LPP: variants seen among roughly 807,000 people sequenced by gnomAD.
LPP encodes lipoma-preferred partner.
In LPP, 38 loss-of-function variants were observed where a neutral mutation model predicts 60.4. That is an observed-to-expected ratio of 0.63 (90% CI 0.49 to 0.83). The LOEUF is 0.83. Among genes scored for constraint, LPP ranks in the 40% least tolerant of loss-of-function variants. The pLI, the probability that LPP is intolerant of heterozygous loss-of-function variation, is 0.00. For synonymous variants in LPP, 328 were observed against 290.8 expected (o/e 1.13, Z -1.30); for missense variants, 902 against 783.6 (o/e 1.15, Z -1.80).
At chr3:188,552,750 A>C (rs180906559) in intron 6 of LPP, among the ~76,000 whole-genome samples, 1 of 152,312 alleles carries the variant, frequency 6.6e-6, no homozygotes, top group Admixed American at 6.5e-5. Flanking sequence ...TTTGCTTTTA[A>C]GAACTCATGT....
At chr3:188,651,246 T>G (rs961208233) in intron 7 of LPP, among the ~76,000 whole-genome samples, 55 of 152,180 alleles carry the variant, frequency 3.6e-4, no homozygotes, top group African/African-American at 1.3e-3. Flanking sequence ...CCAGGAACCC[T>G]TAGTCTGTTA....
chr3:188,498,986 C>T (rs1406246037), intron 5 of LPP, among the ~76,000 whole-genome samples: 2 of 151,988 alleles, frequency 1.3e-5, no homozygotes, highest in African/African-American at 4.8e-5. Context: ...GTTCTTTATT[C>T]ATTTTTGAAT....
intron 1 of LPP, among the ~76,000 whole-genome samples, chr3:188,168,741 C>A (rs1485878727): frequency 2.6e-5 from 4 of 152,158 alleles, no homozygotes; most frequent in Non-Finnish European, 5.9e-5. Context: ...CTTGCCATAA[C>A]TATCTTGTTT....
intron 7 of LPP, among the ~76,000 whole-genome samples, chr3:188,652,592 G>T (rs1036936247): frequency 6.6e-6 from 1 of 152,108 alleles, no homozygotes; most frequent in African/African-American, 2.4e-5. Context: ...AAATTCTGGG[G>T]AATATCTGTA....
chr3:188,671,777 T>G (rs1430045366), intron 7 of LPP, among the ~76,000 whole-genome samples: 1 of 152,158 alleles, frequency 6.6e-6, no homozygotes, highest in African/African-American at 2.4e-5. Context: ...ATTACTATAC[T>G]AGGCACCCAC....
intron 7 of LPP, among the ~76,000 whole-genome samples, chr3:188,642,310 C>T (rs1850306982): frequency 6.6e-6 from 1 of 152,140 alleles, no homozygotes; most frequent in Non-Finnish European, 1.5e-5. Context: ...TCTCATGTGG[C>T]TCAGCATAAT....
At chr3:188,676,439 G>T (rs1243043353) in intron 7 of LPP, among the ~76,000 whole-genome samples, 1 of 152,042 alleles carries the variant, frequency 6.6e-6, no homozygotes, top group African/African-American at 2.4e-5. Context: ...TCCAGAATGG[G>T]ATTAATGCAT....
intron 4 of LPP, among the ~76,000 whole-genome samples, chr3:188,470,516 G>T (rs893659840): frequency 6.6e-6 from 1 of 152,084 alleles, no homozygotes; most frequent in African/African-American, 2.4e-5. Flanking sequence ...GTGCTTTTAG[G>T]ATAGACTGAT....
intron 1 of LPP, among the ~76,000 whole-genome samples, chr3:188,161,742 G>A (rs1007431115): frequency 6.6e-6 from 1 of 152,184 alleles, no homozygotes; most frequent in Non-Finnish European, 1.5e-5. Flanking sequence ...CCCTCCACTA[G>A]GGGTTTCTCT....
Position 188,182,488 on chromosome 3 carries a change from C to A in LPP, c.-190+28236C>A, listed in dbSNP as rs1396471150. 6.6e-6 allele frequency among the ~76,000 whole-genome samples: 1 copy of A among 152,198 alleles called. No individual in the cohort carries two copies. Among genetic ancestry groups the A allele is most frequent in the Non-Finnish European group, 1.5e-5 (1 of 68,042 alleles). On this transcript the variant is annotated intron_variant, in intron 1 of 11. Transcript: ENST00000617246. The surrounding 1 kb of genome is among the most constrained non-coding windows in gnomAD (Gnocchi z 4.4). ...CAATTTGTTTCACATACAGCACCAG[C>A]TGCCATCTGGCCTAGTGAGACCTAT...
chr3:188,534,977 A>G (rs1489844062), intron 6 of LPP, among the ~76,000 whole-genome samples: 2 of 152,224 alleles, frequency 1.3e-5, no homozygotes, highest in Non-Finnish European at 2.9e-5. Context: ...AGACAAAACT[A>G]TAGTTTATGT....
At chr3:188,846,895 T>C (rs1761580977) in intron 9 of LPP, among the ~76,000 whole-genome samples, 1 of 152,082 alleles carries the variant, frequency 6.6e-6, no homozygotes, top group Non-Finnish European at 1.5e-5. Context: ...GTTTATGAAC[T>C]TGCCTGTGTC....
chr3:188,367,360 C>G (rs1270012343), intron 3 of LPP, among the ~76,000 whole-genome samples: 2 of 152,080 alleles, frequency 1.3e-5, no homozygotes, highest in Non-Finnish European at 2.9e-5. Flanking sequence ...AAGAAAATCT[C>G]AAGAAGTAGA....
At chr3:188,689,535 C>A (rs1374285114) in intron 7 of LPP, among the ~76,000 whole-genome samples, 1 of 152,152 alleles carries the variant, frequency 6.6e-6, no homozygotes, top group East Asian at 1.9e-4. Context: ...TTTTTAGATT[C>A]CACACTTGAG....
At chr3:188,267,090 G>A (rs1238512975) in intron 2 of LPP, among the ~76,000 whole-genome samples, 1 of 152,164 alleles carries the variant, frequency 6.6e-6, no homozygotes, top group African/African-American at 2.4e-5. Context: ...GAGCAGCAGC[G>A]TACCTGGGTG....
intron 4 of LPP, among the ~76,000 whole-genome samples, chr3:188,454,985 T>C (rs781363198): frequency 6.6e-6 from 1 of 152,202 alleles, no homozygotes; most frequent in Non-Finnish European, 1.5e-5. Context: ...GCCAACTTAG[T>C]GTAGTGAGCA....
intron 9 of LPP, among the ~76,000 whole-genome samples, chr3:188,792,543 A>C (rs1744100274): frequency 6.6e-6 from 1 of 152,220 alleles, no homozygotes; most frequent in South Asian, 2.1e-4. Context: ...TTCAGCTGGC[A>C]GGACCAGCTT....
chr3:188,243,715 G>A (rs1452035210), intron 2 of LPP, among the ~76,000 whole-genome samples: 1 of 152,028 alleles, frequency 6.6e-6, no homozygotes, highest in African/African-American at 2.4e-5. Flanking sequence ...TCTGAGTTCA[G>A]GTGCTGTGTA....
intron 2 of LPP, among the ~76,000 whole-genome samples, chr3:188,321,726 G>T (rs748891466): frequency 6.6e-6 from 1 of 152,062 alleles, no homozygotes; most frequent in Non-Finnish European, 1.5e-5. Flanking sequence ...ATAGGGATTG[G>T]GTCTTTTTCT....
Sources: allele counts gnomAD v4.1 joint callset (sites outside exome capture counted in the v4.1 genomes callset), GRCh38; gene constraint gnomAD v4.1.1; non-coding constraint Gnocchi (gnomAD v3.1); transcripts MANE v1.5; gene names NCBI Gene and HGNC (gene_info 2026-07-23, HGNC 2026-07-21).